Variants in PCDHA10 observed in about 807,000 individuals in gnomAD.
PCDHA10 encodes protocadherin alpha 10, also known as protocadherin alpha-10.
PCDHA10 carries 45 observed loss-of-function variants against 61.2 expected under a neutral mutation model. That is an observed-to-expected ratio of 0.74 (90% confidence interval 0.58 to 0.94). The LOEUF (loss-of-function observed/expected upper bound fraction) is 0.94. Among genes scored for constraint, PCDHA10 ranks in the 40% least tolerant of loss-of-function variants. PCDHA10 has a pLI of 0.00. For missense variants in PCDHA10, 1,278 were observed against 1,236.2 expected (o/e 1.03, Z -0.51); for synonymous variants, 602 against 548.8 (o/e 1.10, Z -1.35).
chr5:140,861,631 C>G (rs960525062), intron 1 of PCDHA10: 2 of 314,942 alleles, frequency 6.4e-6, no homozygotes, highest in Admixed American at 7.0e-5. Flanking sequence ...GTGTTCTCAG[C>G]AACACAAAAG....
intron 1 of PCDHA10, chr5:140,869,103 G>T: frequency 6.2e-7 from 1 of 1,600,312 alleles, no homozygotes; most frequent in Non-Finnish European, 8.5e-7. Context: ...TTTCGTATGC[G>T]ATGTTTGGTT....
At chr5:140,910,985 A>G (rs1554194529) in intron 1 of PCDHA10, among the ~76,000 whole-genome samples, 1 of 151,754 alleles carries the variant, frequency 6.6e-6, no homozygotes, top group Non-Finnish European at 1.5e-5. Flanking sequence ...TATACTCTGA[A>G]CCTCACCCCT....
At chr5:140,877,346 G>GGCT (rs1217124440) in intron 1 of PCDHA10, 1 of 1,613,888 alleles carries the variant, frequency 6.2e-7, no homozygotes, top group Non-Finnish European at 8.5e-7. Flanking sequence ...TTCCACGTGG[G>GGCT]GCTGTACACT....
intron 1 of PCDHA10, among the ~76,000 whole-genome samples, chr5:140,908,701 C>A (rs2074102440): frequency 6.6e-6 from 1 of 152,218 alleles, no homozygotes; most frequent in Admixed American, 6.5e-5. Context: ...ACACCTCAAG[C>A]ACCATTGGAT....
At chr5:140,994,561 C>T (rs967006511) in intron 3 of PCDHA10, among the ~76,000 whole-genome samples, 2 of 151,800 alleles carry the variant, frequency 1.3e-5, no homozygotes, top group East Asian at 1.9e-4. Context: ...AAAAATTAGC[C>T]GGGTGTGGTG....
intron 1 of PCDHA10, chr5:140,869,088 G>A (rs1581866971): frequency 6.3e-7 from 1 of 1,587,910 alleles, no homozygotes; most frequent in Non-Finnish European, 8.6e-7. Context: ...TATTTTGGAA[G>A]CCAATTTCGT....
intron 1 of PCDHA10, among the ~76,000 whole-genome samples, chr5:140,923,820 C>T (rs892649324): frequency 5.3e-4 from 80 of 152,224 alleles, no homozygotes; most frequent in African/African-American, 1.6e-3. Context: ...TGAAAATAGA[C>T]GTCAGTGGCA....
At chr5:140,977,911 A>T (rs2096780139) in intron 1 of PCDHA10, among the ~76,000 whole-genome samples, 1 of 152,002 alleles carries the variant, frequency 6.6e-6, no homozygotes, top group Non-Finnish European at 1.5e-5. Flanking sequence ...TTTATCCCCC[A>T]TTTTTTTCAT....
At chr5:140,979,129 A>T (rs1316213932) in intron 2 of PCDHA10, 122 bp downstream of exon 2, 1 of 1,477,514 alleles carries the variant, frequency 6.8e-7, no homozygotes, top group Non-Finnish European at 9.0e-7. Flanking sequence ...CTTTGCCAGG[A>T]AAATGCAATT....
intron 1 of PCDHA10, among the ~76,000 whole-genome samples, chr5:140,872,172 T>G (rs912989922): frequency 6.6e-6 from 1 of 152,230 alleles, no homozygotes; most frequent in Non-Finnish European, 1.5e-5. Flanking sequence ...TTTCTTTTTT[T>G]TTTTTACAGT....
Position 140,912,620 on chromosome 5 carries a change from G to A in PCDHA10, c.2388+54184G>A, listed in dbSNP as rs149952916. Among the ~76,000 whole-genome samples the A allele has an allele frequency of 2.6e-3, 391 of 152,154 alleles. 2 individuals carry two copies. The highest frequency in any genetic ancestry group is 9.2e-3 in the African/African-American group (380 of 41,510). ...TTTCTTCCTCTTGTCTGATTACTCT[G>A]GATGAGACTTTCAGTACTATGTTGA... On this transcript the variant is annotated intron_variant, in intron 1 of 3. Coordinates refer to ENST00000307360, the MANE Select transcript of PCDHA10 (RefSeq NM_018901.4).
At chr5:140,906,521 C>T (rs529787398) in intron 1 of PCDHA10, among the ~76,000 whole-genome samples, 4 of 152,330 alleles carry the variant, frequency 2.6e-5, no homozygotes, top group African/African-American at 9.6e-5. Flanking sequence ...AGGAAATACT[C>T]ACGACAATTA....
chr5:140,929,272 T>C (rs560527071), intron 1 of PCDHA10: 1 of 1,607,152 alleles, frequency 6.2e-7, no homozygotes. Flanking sequence ...TTTGCCAATA[T>C]CCTGTATTCA....
intron 1 of PCDHA10, chr5:140,861,479 T>C: frequency 2.0e-6 from 1 of 490,568 alleles, no homozygotes; most frequent in Non-Finnish European, 4.2e-6. Context: ...AGAATGGCAT[T>C]TTTGTGAGTT....
At chr5:140,982,447 C>G (rs782801484) in intron 2 of PCDHA10, 28 bp from the exon 3 acceptor site, 1 of 1,613,782 alleles carries the variant, frequency 6.2e-7, no homozygotes, top group South Asian at 1.1e-5. Flanking sequence ...ATGATCTAAC[C>G]GTTATCTGGG....
At chr5:140,881,940 G>A (rs1273995753) in intron 1 of PCDHA10, 1 of 295,968 alleles carries the variant, frequency 3.4e-6, no homozygotes, top group Non-Finnish European at 6.2e-6. Flanking sequence ...TGCTGTTTCT[G>A]GGAAGGTAAA....
intron 1 of PCDHA10, among the ~76,000 whole-genome samples, chr5:140,937,697 G>A (rs2091687536): frequency 6.6e-6 from 1 of 151,910 alleles, no homozygotes; most frequent in Non-Finnish European, 1.5e-5. Flanking sequence ...CGGATCACGA[G>A]GTCAGGAGAT....
chr5:140,951,959 A>C (rs2094664205), intron 1 of PCDHA10, among the ~76,000 whole-genome samples: 1 of 152,202 alleles, frequency 6.6e-6, no homozygotes, highest in Admixed American at 6.5e-5. Context: ...GGCATTGGGT[A>C]AATACTCCTG....
chr5:140,881,376 C>T (rs1487314933), intron 1 of PCDHA10: 2 of 984,636 alleles, frequency 2.0e-6, no homozygotes, highest in South Asian at 4.7e-5. Context: ...GAATTGCAGC[C>T]GGCGGCGGTA....
Sources: gnomAD v4.1 joint callset for allele counts (sites outside exome capture counted in the v4.1 genomes callset) on GRCh38, gnomAD v4.1.1 for gene constraint, MANE v1.5 for transcripts, NCBI Gene and HGNC (gene_info 2026-07-23, HGNC 2026-07-21) for gene names.